Variants in CELF4 observed in about 807,000 individuals in gnomAD.
The protein encoded by CELF4 is CUGBP Elav-like family member 4.
CELF4 carries 18 observed loss-of-function variants against 59.9 expected under a neutral mutation model. The ratio of observed to expected loss-of-function variants is 0.30; its 90% CI spans 0.21 to 0.45. The LOEUF is 0.45. CELF4 is among the 20% of genes least tolerant of loss of function. The pLI is 1.00. For synonymous variants in CELF4, 261 were observed against 267.1 expected (o/e 0.98, Z 0.22); for missense variants, 456 against 689.0 (o/e 0.66, Z 3.79).
At chr18:37,549,951 G>A (rs964464497) in intron 1 of CELF4, among the ~76,000 whole-genome samples, 2 of 151,964 alleles carry the variant, frequency 1.3e-5, no homozygotes, top group Admixed American at 6.6e-5. Context: ...AAAATCAGTC[G>A]ACATTAGGCT....
At chr18:37,378,054 G>A (rs958612167) in intron 2 of CELF4, among the ~76,000 whole-genome samples, 8 of 152,150 alleles carry the variant, frequency 5.3e-5, no homozygotes, top group African/African-American at 1.9e-4. Context: ...CTCGTGCTGG[G>A]TAGGGGAAGA....
intron 2 of CELF4, among the ~76,000 whole-genome samples, chr18:37,470,189 A>G (rs2099817717): frequency 6.6e-6 from 1 of 152,200 alleles, no homozygotes; most frequent in African/African-American, 2.4e-5. Context: ...AAATCTATCA[A>G]AAATTTTGAT....
At chr18:37,447,106 A>T (rs1012199086) in intron 2 of CELF4, among the ~76,000 whole-genome samples, 1 of 152,206 alleles carries the variant, frequency 6.6e-6, no homozygotes, top group African/African-American at 2.4e-5. Flanking sequence ...AAGAAAAAAA[A>T]AATAATCCGA....
At chr18:37,396,838 C>T (rs1181085928) in intron 2 of CELF4, among the ~76,000 whole-genome samples, 1 of 152,144 alleles carries the variant, frequency 6.6e-6, no homozygotes, top group Non-Finnish European at 1.5e-5. Flanking sequence ...TCCCAGACAG[C>T]CCTCCTAGAG....
At chr18:37,543,855 A>G (rs1187203612) in intron 1 of CELF4, among the ~76,000 whole-genome samples, 11 of 152,202 alleles carry the variant, frequency 7.2e-5, no homozygotes, top group Admixed American at 5.9e-4. Context: ...AGAGGCCGCT[A>G]CGTGGTCTGT....
chr18:37,532,098 G>T (rs960454332), intron 1 of CELF4, among the ~76,000 whole-genome samples: 1 of 152,154 alleles, frequency 6.6e-6, no homozygotes, highest in African/African-American at 2.4e-5. Flanking sequence ...TGGCCTACCT[G>T]GTCCTGCACT....
At chr18:37,540,413 G>C (rs1228311469) in intron 1 of CELF4, among the ~76,000 whole-genome samples, 1 of 144,632 alleles carries the variant, frequency 6.9e-6, no homozygotes, top group Non-Finnish European at 1.5e-5. Flanking sequence ...GTCTGCCTCA[G>C]GCATTTGGTC....
intron 1 of CELF4, chr18:37,528,960 A>G (rs2099966697): frequency 6.6e-6 from 1 of 152,088 alleles, no homozygotes; most frequent in African/African-American, 2.4e-5. Context: ...ACAGCAAACA[A>G]ACCATCTACT....
chr18:37,279,139 G>C (rs997671552), intron 3 of CELF4, among the ~76,000 whole-genome samples: 1 of 152,154 alleles, frequency 6.6e-6, no homozygotes, highest in Non-Finnish European at 1.5e-5. Context: ...AGGCTCTGGT[G>C]GTCCCCATGT....
At chr18:37,353,233 A>AATATATATATATATATATAT (rs1557327923) in intron 2 of CELF4, among the ~76,000 whole-genome samples, 30 of 106,956 alleles carry the variant, frequency 2.8e-4, no homozygotes, top group Admixed American at 8.6e-4. Flanking sequence ...AAAAAAAAAA[A>AATATATATATATATATATAT]ATATATATAT....
At chr18:37,327,219 G>A (rs2097348436) in intron 2 of CELF4, among the ~76,000 whole-genome samples, 1 of 152,098 alleles carries the variant, frequency 6.6e-6, no homozygotes, top group Admixed American at 6.5e-5. Context: ...GTGCTGCCAA[G>A]TCTACTCCCA....
At chr18:37,546,463 C>T (rs957174558) in intron 1 of CELF4, among the ~76,000 whole-genome samples, 1 of 152,198 alleles carries the variant, frequency 6.6e-6, no homozygotes. Flanking sequence ...CCTGGTCAGA[C>T]TCAGAGCACT....
At chr18:37,286,416 C>T (rs1182520299) in intron 3 of CELF4, among the ~76,000 whole-genome samples, 1 of 151,998 alleles carries the variant, frequency 6.6e-6, no homozygotes, top group Non-Finnish European at 1.5e-5. Flanking sequence ...CTTATGGGGC[C>T]TCAAATCCTC....
At chr18:37,378,210 G>A (rs1042562139) in intron 2 of CELF4, among the ~76,000 whole-genome samples, 4 of 152,170 alleles carry the variant, frequency 2.6e-5, no homozygotes, top group Non-Finnish European at 4.4e-5. Flanking sequence ...GGCTACGAGA[G>A]GACTGCTCGC....
chr18:37,434,414 G>A (rs183409836), intron 2 of CELF4, among the ~76,000 whole-genome samples: 100 of 152,228 alleles, frequency 6.6e-4, no homozygotes, highest in African/African-American at 2.3e-3. Context: ...CTAATTCTGC[G>A]GCTTGTTGGT....
intron 2 of CELF4, among the ~76,000 whole-genome samples, chr18:37,432,336 C>A (rs2099672083): frequency 6.6e-6 from 1 of 152,240 alleles, no homozygotes; most frequent in Non-Finnish European, 1.5e-5. Context: ...CCCAGCACAT[C>A]CCACCTGGGC....
chr18:37,503,322 A>G (rs780428038), intron 1 of CELF4, among the ~76,000 whole-genome samples: 4 of 152,182 alleles, frequency 2.6e-5, no homozygotes, highest in Non-Finnish European at 5.9e-5. Context: ...ATATTTTCCC[A>G]TGAGGTTTAC....
At chr18:37,516,008 G>A (rs1050706404) in intron 1 of CELF4, among the ~76,000 whole-genome samples, 1 of 152,328 alleles carries the variant, frequency 6.6e-6, no homozygotes, top group South Asian at 2.1e-4. Flanking sequence ...GAGTGAGTGA[G>A]TGAGTGAATG....
At position 37,254,022 on chromosome 18, in the gene CELF4, G is replaced by A. The variant is rs1424354721; in HGVS notation, c.1334-84C>T. 1.9e-6 allele frequency: 2 copies of A among 1,056,602 alleles called. No homozygotes were observed. Among genetic ancestry groups the A allele is most frequent in the Admixed American group, 3.2e-5 (1 of 31,340 alleles). 65.5% of individuals were successfully genotyped at this position (1,056,602 alleles called of 1,614,324 possible). On this transcript the variant is annotated intron_variant, in intron 11 of 12. Coordinates refer to ENST00000420428, the MANE Select transcript of CELF4 (RefSeq NM_020180.4). This position sits in a 1 kb window ranked among gnomAD's most constrained non-coding sequence, Gnocchi z 5.1. ...GGCGGGGAGGGGTCGGGGGACAGGG[G>A]GGCGGGGCGGGCCTGAGGCTCTCCC...
Sources: allele counts gnomAD v4.1 joint callset (sites outside exome capture counted in the v4.1 genomes callset), GRCh38; gene constraint gnomAD v4.1.1; non-coding constraint Gnocchi (gnomAD v3.1); transcripts MANE v1.5; gene names NCBI Gene and HGNC (gene_info 2026-07-23, HGNC 2026-07-21).